Variants in FAR2 observed in about 807,000 individuals in gnomAD.
FAR2 encodes epididymis secretory protein Li 81.
FAR2 carries 19 observed loss-of-function variants against 56.0 expected under a neutral mutation model. The observed-to-expected ratio is 0.34, with a 90% CI of 0.24 to 0.50. The LOEUF (loss-of-function observed/expected upper bound fraction) is 0.50, where lower values mean the gene tolerates loss of function less well. Ranked by LOEUF, FAR2 falls within the 20% of genes least tolerant of loss-of-function variation. FAR2 has a pLI of 0.98. For synonymous variants in FAR2, 219 were observed against 218.8 expected (o/e 1.00, Z -0.01); for missense variants, 508 against 642.2 (o/e 0.79, Z 2.26).
chr12:29,256,661 A>G (rs1396211746), intron 1 of FAR2, among the ~76,000 whole-genome samples: 1 of 151,972 alleles, frequency 6.6e-6, no homozygotes, highest in Non-Finnish European at 1.5e-5. Flanking sequence ...GCGGGCGGGA[A>G]CAGAGGCTGT....
At chr12:29,207,801 G>C (rs1205933027) in intron 1 of FAR2, among the ~76,000 whole-genome samples, 1 of 152,198 alleles carries the variant, frequency 6.6e-6, no homozygotes, top group Middle Eastern at 3.2e-3. Context: ...ACTCTTTGCA[G>C]ATAAAATTCT....
intron 4 of FAR2, among the ~76,000 whole-genome samples, chr12:29,300,290 T>C (rs1206325194): frequency 6.6e-6 from 1 of 152,212 alleles, no homozygotes; most frequent in East Asian, 1.9e-4. Context: ...AAACTTTGAA[T>C]GAAACCTGTA....
intron 1 of FAR2, among the ~76,000 whole-genome samples, chr12:29,213,083 A>G (rs372049151): frequency 6.6e-6 from 1 of 152,040 alleles, no homozygotes; most frequent in South Asian, 2.1e-4. Flanking sequence ...CTTCCCATAT[A>G]TAGTGTGTAG....
At chr12:29,219,535 C>T (rs1046921863) in intron 1 of FAR2, among the ~76,000 whole-genome samples, 26 of 152,028 alleles carry the variant, frequency 1.7e-4, no homozygotes, top group African/African-American at 5.5e-4. Flanking sequence ...TACATCAGCA[C>T]CTAGATGAGT....
intron 1 of FAR2, among the ~76,000 whole-genome samples, chr12:29,168,855 G>T (rs1949857564): frequency 6.6e-6 from 1 of 152,182 alleles, no homozygotes; most frequent in South Asian, 2.1e-4. Context: ...TGGCTGGGGT[G>T]GCAAGCTTTT....
At chr12:29,291,070 A>T (rs73063634) in intron 2 of FAR2, among the ~76,000 whole-genome samples, 7,258 of 152,260 alleles carry the variant, frequency 0.048, 515 homozygotes, top group African/African-American at 0.16. Context: ...CTTATTTCAT[A>T]TAGCATACCT....
chr12:29,207,304 A>G (rs758094827), intron 1 of FAR2, among the ~76,000 whole-genome samples: 17 of 152,188 alleles, frequency 1.1e-4, no homozygotes, highest in Non-Finnish European at 2.2e-4. Flanking sequence ...GTGTAGACAC[A>G]TGCTAATACT....
At position 29,184,736 on chromosome 12, in the gene FAR2, C is replaced by T. The variant is rs1477402382; in HGVS notation, c.-39+35329C>T. Among the ~76,000 whole-genome samples the T allele has an allele frequency of 2.6e-5, 4 of 152,244 alleles. No homozygotes were observed. In the East Asian group the frequency reaches 7.7e-4, roughly 29 times the overall value. On this transcript the variant is annotated intron_variant, in intron 1 of 11. Transcript: ENST00000536681. ...ACAGGCGTGAGCCACTGAGCCCGGC[C>T]CCTTCATTCTTAAAGGTCCCTAAAG...
At chr12:29,297,543 A>C (rs1008420728) in intron 4 of FAR2, among the ~76,000 whole-genome samples, 1 of 152,208 alleles carries the variant, frequency 6.6e-6, no homozygotes, top group Non-Finnish European at 1.5e-5. Flanking sequence ...GTTCAGAAGA[A>C]AAATGTCTGA....
chr12:29,333,500 A>C, intron 11 of FAR2, 132 bp from the exon 12 acceptor site: 1 of 793,210 alleles, frequency 1.3e-6, no homozygotes, highest in Non-Finnish European at 2.0e-6. Flanking sequence ...CCAATTGGCC[A>C]AGTTATATCA....
chr12:29,234,297 C>T (rs1036449205), intron 1 of FAR2, among the ~76,000 whole-genome samples: 1 of 152,054 alleles, frequency 6.6e-6, no homozygotes, highest in Non-Finnish European at 1.5e-5. Context: ...TCAGCAGACC[C>T]GATAGTTCTC....
intron 4 of FAR2, among the ~76,000 whole-genome samples, chr12:29,306,305 A>G (rs761136064): frequency 5.9e-5 from 9 of 152,344 alleles, no homozygotes; most frequent in South Asian, 2.1e-4. Context: ...AGTATCCAGA[A>G]CACACTCAGC....
intron 4 of FAR2, among the ~76,000 whole-genome samples, chr12:29,301,276 CTT>C (rs1949160037): frequency 6.6e-6 from 1 of 152,114 alleles, no homozygotes; most frequent in East Asian, 1.9e-4. Context: ...TTTCCTGGCT[CTT>C]ATATCTGTAG....
intron 1 of FAR2, among the ~76,000 whole-genome samples, chr12:29,187,591 A>G (rs1025755016): frequency 5.9e-5 from 9 of 152,172 alleles, no homozygotes; most frequent in South Asian, 2.1e-4. Context: ...TGATTTATTC[A>G]TAATTTAGCT....
Position 29,270,608 on chromosome 12 carries a change from G to A in FAR2, c.159G>A (p.Gln53=), listed in dbSNP as rs1948601230. 1.2e-6 allele frequency: 2 copies of A among 1,613,540 alleles called. No homozygotes were observed. Among genetic ancestry groups the A allele is most frequent in the African/African-American group, 2.7e-5 (2 of 75,050 alleles). Reference sequence around the variant, plus strand: ...GGCCCAAGGCTGGCCAGACACTGCAGCAGAGGGTTTTCCAGATCCTAGACA... The same window carrying A: ...GGCCCAAGGCTGGCCAGACACTGCAACAGAGGGTTTTCCAGATCCTAGACA... ...LVRPKAGQTL[Q]QRVFQILDSK... The change falls in exon 2 of 12, where the codon CAG becomes CAA. Residue 53 remains glutamine, a synonymous_variant. Transcript: ENST00000536681.
intron 1 of FAR2, among the ~76,000 whole-genome samples, chr12:29,177,379 T>C (rs928600448): frequency 2.0e-5 from 3 of 152,200 alleles, no homozygotes; most frequent in African/African-American, 7.2e-5. Flanking sequence ...GGTGCTCTTT[T>C]CTGCTTCTAT....
chr12:29,179,703 T>C (rs1035980519), intron 1 of FAR2, among the ~76,000 whole-genome samples: 6 of 152,228 alleles, frequency 3.9e-5, no homozygotes, highest in African/African-American at 1.4e-4. Flanking sequence ...GTGGAAAAAC[T>C]GAGGCATGGA....
Position 29,334,950 on chromosome 12 carries a change from T to C in FAR2, c.*1156T>C, listed in dbSNP as rs528347958. 9 of 152,314 alleles carry C rather than the reference T, an allele frequency of 5.9e-5. No homozygotes were observed. Among genetic ancestry groups the C allele is most frequent in the African/African-American group, 1.4e-4 (6 of 41,588 alleles). 9.4% of individuals were successfully genotyped at this position (152,314 alleles called of 1,614,324 possible). A position where few individuals can be genotyped will look rare whatever the true frequency, so the allele number is the denominator to read the frequency against. On this transcript the variant is annotated 3_prime_UTR_variant, in exon 12 of 12. Coordinates refer to ENST00000536681, the MANE Select transcript of FAR2 (RefSeq NM_001271783.2). ...AACTATACATATTCTCCAATTCCTA[T>C]AGTAATAATAATGTAACTGTTACAC...
chr12:29,239,645 T>C (rs1591880527), intron 1 of FAR2, among the ~76,000 whole-genome samples: 1 of 152,078 alleles, frequency 6.6e-6, no homozygotes, highest in Admixed American at 6.6e-5. Context: ...AAAACAAATG[T>C]CCCCCAAAGT....
Sources: gnomAD v4.1 joint callset for allele counts (sites outside exome capture counted in the v4.1 genomes callset) on GRCh38, gnomAD v4.1.1 for gene constraint, MANE v1.5 for transcripts, NCBI Gene and HGNC (gene_info 2026-07-23, HGNC 2026-07-21) for gene names.